METTL27: variants seen among roughly 807,000 people sequenced by gnomAD.
The protein encoded by METTL27 is methyltransferase-like protein 27.
A neutral mutation model predicts 24.5 loss-of-function variants in METTL27; 29 were observed. That is an observed-to-expected ratio of 1.18 (90% confidence interval 0.88 to 1.61). METTL27 has a LOEUF of 1.61. Among genes scored for constraint, METTL27 ranks in the 40% most tolerant of loss-of-function variants. The pLI is 0.00. For missense variants in METTL27, 341 were observed against 324.3 expected (o/e 1.05, Z -0.40); for synonymous variants, 138 against 146.8 (o/e 0.94, Z 0.43).
chr7:73,840,333 G>T, intron 4 of METTL27, 81 bp downstream of exon 4: 1 of 1,540,200 alleles, frequency 6.5e-7, no homozygotes, highest in Non-Finnish European at 8.8e-7. Context: ...GGAGCTTAGT[G>T]TGGGAGAGGG....
Position 73,834,799 on chromosome 7 carries a change from A to G in METTL27, c.682T>C (p.Ser228Pro). 1 of 1,614,152 alleles carries G rather than the reference A, an allele frequency of 6.2e-7. No individual in the cohort carries two copies. The highest frequency in any genetic ancestry group is 1.3e-5 in the African/African-American group (1 of 75,066). The change falls in exon 6 of 6, where the codon TCT (serine) becomes CCT (proline). Residue 228 changes from serine (S) to proline (P), a missense_variant. Ser to Pro is a moderately conservative substitution (Grantham distance 74). Transcript: ENST00000297873. The part of the protein sequence containing the change: ...YPASLPRMAS[S>P]PALSTCTESG... Reference sequence around the variant, plus strand: ...TCGGTACAGGTAGACAATGCCGGAGATGAAGCCATCCTTGGCAGAGATGCC... The same window carrying G: ...TCGGTACAGGTAGACAATGCCGGAGGTGAAGCCATCCTTGGCAGAGATGCC...
At chr7:73,838,166 G>A (rs559883602) in intron 5 of METTL27, among the ~76,000 whole-genome samples, 27 of 152,060 alleles carry the variant, frequency 1.8e-4, no homozygotes, top group African/African-American at 2.2e-4. Context: ...AATTCTTGAC[G>A]TAATTCTCCT....
chr7:73,838,014 T>C (rs1273982291), intron 5 of METTL27, among the ~76,000 whole-genome samples: 1 of 148,070 alleles, frequency 6.8e-6, no homozygotes, highest in Non-Finnish European at 1.5e-5. Flanking sequence ...CACGCCTGGC[T>C]AATTAAACAT....
chr7:73,836,141 G>GC (rs1788181556), intron 5 of METTL27, among the ~76,000 whole-genome samples: 1 of 109,816 alleles, frequency 9.1e-6, no homozygotes, highest in Non-Finnish European at 2.1e-5. Flanking sequence ...GGGGGGGTCA[G>GC]CCCCCTGCCC....
Position 73,840,135 on chromosome 7 carries a change from GGGGGGGT to G in METTL27, c.389-22_389-16del. The G allele has an allele frequency of 3.4e-6, 5 of 1,482,248 alleles. No individual in the cohort carries two copies. Among genetic ancestry groups the G allele is most frequent in the South Asian group, 1.2e-5 (1 of 82,940 alleles). The allele number at this position is 1,482,248 out of a possible 1,614,324, so 91.8% of individuals were successfully genotyped here. ...GTCGAAGGTCCCTGTGTGTGTGTGG[GGGGGGGT>G]GGGGACATGGTGTGATGCTTGGAAG... On this transcript the variant is annotated splice_polypyrimidine_tract_variant and intron_variant, in intron 4 of 5. Coordinates refer to ENST00000297873, the MANE Select transcript of METTL27 (RefSeq NM_152559.3).
rs1554636536 is a variant in METTL27 at position 73,842,017 on chromosome 7, C to T, written c.123+1G>A. ...GGAGGCAAGGCCCCAAATGAGTTTA[C>T]CTGGTCGTAGTCCGGAGCCCAGCGG... On this transcript the variant is annotated splice_donor_variant, in intron 2 of 5. Coordinates refer to ENST00000297873, the MANE Select transcript of METTL27 (RefSeq NM_152559.3). LOFTEE classifies it high-confidence loss of function. 1.2e-6 allele frequency: 2 copies of T among 1,614,156 alleles called. No homozygotes were observed. Among genetic ancestry groups the T allele is most frequent in the Non-Finnish European group, 1.7e-6 (2 of 1,180,018 alleles).
rs1584339726 is a variant in METTL27 at position 73,839,960 on chromosome 7, T to C, written c.478+71A>G. On this transcript the variant is annotated intron_variant, in intron 5 of 5. Transcript: ENST00000297873. ...TTAGCCTGAGGGGCTCTGGGGCCTG[T>C]GTCTGCACTATGCACAGGGGAAGGT... 3 of 1,405,320 alleles carry C rather than the reference T, an allele frequency of 2.1e-6. No individual in the cohort carries two copies. In the East Asian group the frequency reaches 7.0e-5, roughly 33 times the overall value. 87.1% of individuals were successfully genotyped at this position (1,405,320 alleles called of 1,614,324 possible).
intron 5 of METTL27, among the ~76,000 whole-genome samples, chr7:73,838,719 C>T (rs1397328485): frequency 1.3e-5 from 2 of 152,196 alleles, no homozygotes; most frequent in African/African-American, 2.4e-5. Flanking sequence ...GGCCCAACTT[C>T]GACCTTTCCA....
At chr7:73,841,248 G>C (rs1442154060) in intron 2 of METTL27, 50 bp from the exon 3 acceptor site, 11 of 1,537,846 alleles carry the variant, frequency 7.2e-6, no homozygotes, top group Non-Finnish European at 9.5e-6. Context: ...GTGTTTGGGG[G>C]ATCTCCCTTA....
At position 73,842,113 on chromosome 7, in the gene METTL27, G is replaced by A. The variant is rs527877235; in HGVS notation, c.28C>T (p.Pro10Ser). 78 of 1,612,920 alleles carry A rather than the reference G, an allele frequency of 4.8e-5. No individual in the cohort carries two copies. The African/African-American group carries it at 8.5e-4, about 18-fold the overall frequency. Reference sequence around the variant, plus strand: ...GCCCTGACCCGCGCCCGCACCTCGGGCAGGCTCCCACCCTCCTCCTGGGCC... The same window carrying A: ...GCCCTGACCCGCGCCCGCACCTCGGACAGGCTCCCACCCTCCTCCTGGGCC... MAQEEGGSLPEVRARVRAAH... is the reference protein window; with the variant it reads MAQEEGGSLSEVRARVRAAH... The change falls in exon 2 of 6, where the codon CCC becomes TCC. Residue 10 changes from proline (P) to serine (S), a missense_variant. Coordinates refer to ENST00000297873, the MANE Select transcript of METTL27 (RefSeq NM_152559.3).
chr7:73,838,742 C>T (rs1035662686), intron 5 of METTL27, among the ~76,000 whole-genome samples: 7 of 152,198 alleles, frequency 4.6e-5, no homozygotes, highest in African/African-American at 7.2e-5. Flanking sequence ...TGACCCCATC[C>T]GTGTCCCTGC....
At chr7:73,836,501 C>T (rs1788202101) in intron 5 of METTL27, among the ~76,000 whole-genome samples, 1 of 131,998 alleles carries the variant, frequency 7.6e-6, no homozygotes, top group African/African-American at 3.0e-5. Flanking sequence ...GCCCCTCTGC[C>T]CGGCCAGCCG....
rs146221259 is a variant in METTL27, at chr7:73,834,794, C to T, written c.687G>A (p.Pro229=). ...CACTTTCGGTACAGGTAGACAATGC[C>T]GGAGATGAAGCCATCCTTGGCAGAG... ...PASLPRMASS[P]ALSTCTESGR... is the part of the protein sequence containing the mutation. The change falls in exon 6 of 6, where the codon CCG becomes CCA. Residue 229 remains proline (P), a synonymous_variant. Transcript: ENST00000297873. 4.6e-5 allele frequency: 74 copies of T among 1,614,148 alleles called. No homozygotes were observed. The highest frequency in any genetic ancestry group is 4.3e-4 in the African/African-American group (32 of 75,052).
At chr7:73,837,474 TAAA>T (rs545986182) in intron 5 of METTL27, among the ~76,000 whole-genome samples, 3 of 81,858 alleles carry the variant, frequency 3.7e-5, no homozygotes, top group East Asian at 5.8e-4. Flanking sequence ...AATGTTCCAA[TAAA>T]AAAAAAAAAA....
intron 2 of METTL27, among the ~76,000 whole-genome samples, chr7:73,841,628 C>T (rs538701740): frequency 5.9e-5 from 9 of 152,212 alleles, no homozygotes; most frequent in African/African-American, 1.7e-4. Context: ...CGCCTGCCAC[C>T]ACGTGGGCCT....
At chr7:73,839,393 G>A (rs555653180) in intron 5 of METTL27, among the ~76,000 whole-genome samples, 43 of 152,316 alleles carry the variant, frequency 2.8e-4, no homozygotes, top group Admixed American at 7.2e-4. Context: ...CCAGTGGGTT[G>A]GAGATCAAGG....
At chr7:73,841,882 G>A (rs1554636518) in intron 2 of METTL27, 136 bp downstream of exon 2, 2 of 1,415,392 alleles carry the variant, frequency 1.4e-6, no homozygotes, top group Non-Finnish European at 1.9e-6. Context: ...GGTTCTGGAA[G>A]GGGCAGGACT....
intron 5 of METTL27, among the ~76,000 whole-genome samples, chr7:73,835,348 C>T (rs868906467): frequency 7.0e-6 from 1 of 142,710 alleles, no homozygotes; most frequent in South Asian, 2.2e-4. Context: ...CTCAGCCTGC[C>T]GAGTGCCTGT....
Position 73,841,211 on chromosome 7 carries a change from T to C in METTL27, c.124-13A>G. On this transcript the variant is annotated splice_polypyrimidine_tract_variant and intron_variant, in intron 2 of 5. Transcript: ENST00000297873. ...GGGTGGCCACATCCTGGGGAAAGAG[T>C]GCCGGGCCTACAACACCGGTGCCCC... 6.4e-7 allele frequency: 1 copy of C among 1,554,018 alleles called. No individual in the cohort carries two copies. Among genetic ancestry groups the C allele is most frequent in the Non-Finnish European group, 8.6e-7 (1 of 1,157,808 alleles).
Sources: allele counts gnomAD v4.1 joint callset (sites outside exome capture counted in the v4.1 genomes callset), GRCh38; gene constraint gnomAD v4.1.1; transcripts MANE v1.5; gene names NCBI Gene and HGNC (gene_info 2026-07-23, HGNC 2026-07-21).